Variants in UBR4 observed in about 807,000 individuals in gnomAD.
UBR4 encodes ubiquitin protein ligase E3 component n-recognin 4.
In UBR4, 124 loss-of-function variants were observed where a neutral mutation model predicts 575.6. The ratio of observed to expected loss-of-function variants is 0.22; its 90% CI spans 0.19 to 0.25. UBR4 has a LOEUF of 0.25. Ranked by LOEUF, UBR4 falls within the 10% of genes least tolerant of loss-of-function variation. The probability of loss-of-function intolerance (pLI) is 1.00; values close to 1 mark genes in which losing one functional copy is unlikely to be tolerated. For synonymous variants in UBR4, 2,455 were observed against 2,473.7 expected (o/e 0.99, Z 0.22); for missense variants, 4,818 against 6,478.8 (o/e 0.74, Z 8.80).
Position 19,089,029 on chromosome 1 carries a change from T to C in UBR4, c.14212-52A>G, listed in dbSNP as rs765609889. 36 of 1,578,944 alleles carry C rather than the reference T, an allele frequency of 2.3e-5. No individual in the cohort carries two copies. Among genetic ancestry groups the C allele is most frequent in the Non-Finnish European group, 3.0e-5 (35 of 1,155,364 alleles). ...ATGCCTCCAATTATGTAGACAAACC[T>C]TCTTCCCGGGAGCTTAAAGGTTTAG... is the stretch of plus-strand genomic sequence containing the variant. On this transcript the variant is annotated intron_variant, in intron 97 of 105. Transcript: ENST00000375254. This position sits in a 1 kb window ranked among gnomAD's most constrained non-coding sequence, Gnocchi z 4.3.
In UBR4 at chr1:19,153,206, T is replaced by A; in HGVS notation, c.6832+95A>T. The A allele has an allele frequency of 7.3e-7, 1 of 1,374,494 alleles. No homozygotes were observed. 85.1% of individuals were successfully genotyped at this position (1,374,494 alleles called of 1,614,324 possible). On this transcript the variant is annotated intron_variant, in intron 46 of 105. Coordinates refer to ENST00000375254, the MANE Select transcript of UBR4 (RefSeq NM_020765.3). The surrounding 1 kb of genome is among the most constrained non-coding windows in gnomAD (Gnocchi z 4.1). ...AAAATGTGCAAGTAGGACAGTCACA[T>A]TTCTTCACAGATATTTTCAACAGTC...
chr1:19,081,839 C>A (rs955525488), intron 102 of UBR4: 1 of 663,556 alleles, frequency 1.5e-6, no homozygotes, highest in African/African-American at 1.8e-5. Context: ...AATACAATTC[C>A]AAGCAACTAC....
At chr1:19,116,559 TGTAA>T (rs2149396161) in intron 73 of UBR4, among the ~76,000 whole-genome samples, 1 of 152,356 alleles carries the variant, frequency 6.6e-6, no homozygotes, top group African/African-American at 2.4e-5. Context: ...AGAACAGCTC[TGTAA>T]GTCTTACTAT....
rs775877747 is a variant in UBR4 at position 19,151,514 on chromosome 1, T to C, written c.7213+129A>G. ...TAATACATCAAATGAAGCTCAAAGTTTCCTGATGAAAGGACAGAAAAATCA... is the reference window on the plus strand; with the variant it reads ...TAATACATCAAATGAAGCTCAAAGTCTCCTGATGAAAGGACAGAAAAATCA... On this transcript the variant is annotated intron_variant, in intron 48 of 105. Coordinates refer to ENST00000375254, the MANE Select transcript of UBR4 (RefSeq NM_020765.3). The C allele has an allele frequency of 2.2e-5, 22 of 998,846 alleles. No individual in the cohort carries two copies. In the African/African-American group the frequency reaches 2.9e-4, roughly 13 times the overall value. 61.9% of individuals were successfully genotyped at this position (998,846 alleles called of 1,614,324 possible).
In UBR4 at chr1:19,110,022, C is replaced by T. The variant is rs78699423; in HGVS notation, c.12105+74G>A. ...AGGCAAAGCGGAGACCATGAGGAGG[C>T]AGGGCACACTGCCAGGGAATGAGGA... On this transcript the variant is annotated intron_variant, in intron 81 of 105. Coordinates refer to ENST00000375254, the MANE Select transcript of UBR4 (RefSeq NM_020765.3). The surrounding 1 kb of genome is among the most constrained non-coding windows in gnomAD (Gnocchi z 4.5). The T allele has an allele frequency of 2.2e-3, 3,532 of 1,599,686 alleles. 67 individuals carry two copies. The African/African-American group carries it at 0.04, about 18-fold the overall frequency.
At chr1:19,194,815 T>A (rs916786905) in intron 8 of UBR4, among the ~76,000 whole-genome samples, 2 of 151,904 alleles carry the variant, frequency 1.3e-5, no homozygotes, top group African/African-American at 4.8e-5. Context: ...AAAATTATAA[T>A]TAAATAATTA....
chr1:19,144,232 T>G (rs1338845527), intron 54 of UBR4, 141 bp from the exon 55 acceptor site: 1 of 679,318 alleles, frequency 1.5e-6, no homozygotes, highest in Non-Finnish European at 2.5e-6. Flanking sequence ...GCGGACCAAG[T>G]TCAGCAGGTT....
At chr1:19,197,063 C>G in intron 8 of UBR4, 78 bp downstream of exon 8, 1 of 1,541,556 alleles carries the variant, frequency 6.5e-7, no homozygotes, top group Non-Finnish European at 8.8e-7. Context: ...GTAGAGTATT[C>G]AGGAGGATTT....
At chr1:19,156,164 G>T in intron 42 of UBR4, 107 bp downstream of exon 42, 1 of 1,453,340 alleles carries the variant, frequency 6.9e-7, no homozygotes, top group Non-Finnish European at 9.3e-7. Flanking sequence ...GAAAGTCATG[G>T]CACCCAGCTG....
At position 19,075,071 on chromosome 1, in the gene UBR4, C is replaced by T. The variant is rs901397501; in HGVS notation, c.15488-175G>A. The T allele has an allele frequency of 9.8e-5, 65 of 662,194 alleles. No individual in the cohort carries two copies. The Admixed American group carries it at 1.2e-3, about 12-fold the overall frequency. The allele number at this position is 662,194 out of a possible 1,614,324, so 41.0% of individuals were successfully genotyped here. A position where few individuals can be genotyped will look rare whatever the true frequency, so the allele number is the denominator to read the frequency against. ...GTAGTCATTGAGCAAAACCCTGTTC[C>T]GCAGGAGGAGTCCTGTTCCAGAAGC... On this transcript the variant is annotated intron_variant, in intron 105 of 105. Transcript: ENST00000375254.
chr1:19,149,215 T>G (rs1254944484), intron 49 of UBR4, among the ~76,000 whole-genome samples: 1 of 152,194 alleles, frequency 6.6e-6, no homozygotes, highest in African/African-American at 2.4e-5. Flanking sequence ...ACTATTACTA[T>G]TAAAGGTACC....
chr1:19,143,255 GAAGGAAGAAAGAAAGA>G (rs201718453), intron 55 of UBR4, among the ~76,000 whole-genome samples: 3,473 of 100,534 alleles, frequency 0.035, 66 homozygotes, highest in East Asian at 0.066. Flanking sequence ...AGGAAGGAAG[GAAGGAAGAAAGAAAGA>G]AAGAAAGAAA....
rs138029593 is a variant in UBR4, at chr1:19,110,825, G to A, written c.11809C>T (p.Pro3937Ser). The A allele has an allele frequency of 2.4e-5, 38 of 1,614,032 alleles. No homozygotes were observed. In the African/African-American group the frequency reaches 4.8e-4, roughly 20 times the overall value. Residue 3937 changes from proline (P) to serine (S), a missense_variant, in exon 79 of 106, where the codon CCA becomes TCA. Pro to Ser is a moderately conservative substitution (Grantham distance 74). Coordinates refer to ENST00000375254, the MANE Select transcript of UBR4 (RefSeq NM_020765.3). This position sits in a 1 kb window ranked among gnomAD's most constrained non-coding sequence, Gnocchi z 4.5. ...QLMCLLTRDN[P>S]EATQQMNDLI... ...TCATTCATCTGTTGGGTGGCTTCTG[G>A]GTTGTCTCTGCAGAAGCAAATAGAA...
chr1:19,154,777 A>G, intron 44 of UBR4, 141 bp downstream of exon 44: 1 of 1,206,344 alleles, frequency 8.3e-7, no homozygotes, highest in Non-Finnish European at 1.2e-6. Context: ...GATTTTAAAG[A>G]TACCTAGCAG....
chr1:19,159,740 T>G (rs1009296919), intron 39 of UBR4, among the ~76,000 whole-genome samples: 1 of 151,834 alleles, frequency 6.6e-6, no homozygotes, highest in Non-Finnish European at 1.5e-5. Flanking sequence ...GGGACTATAG[T>G]TGCTGTGCCA....
chr1:19,123,066 G>T lies in UBR4; in HGVS notation c.9589-6C>A. On this transcript the variant is annotated splice_region_variant and splice_polypyrimidine_tract_variant and intron_variant, in intron 65 of 105. Coordinates refer to ENST00000375254, the MANE Select transcript of UBR4 (RefSeq NM_020765.3). ...GTCTGCTGGATCATGAGGTACTTGAGAAGAAAAACACCACAAAGAGTAAAT... is the reference window on the plus strand; with the variant it reads ...GTCTGCTGGATCATGAGGTACTTGATAAGAAAAACACCACAAAGAGTAAAT... 1 of 1,613,834 alleles carries T rather than the reference G, an allele frequency of 6.2e-7. No individual in the cohort carries two copies. Among genetic ancestry groups the T allele is most frequent in the Non-Finnish European group, 8.5e-7 (1 of 1,179,824 alleles).
intron 1 of UBR4, 43 bp downstream of exon 1, chr1:19,210,030 T>TC (rs750223674): frequency 2.0e-6 from 3 of 1,496,260 alleles, no homozygotes; most frequent in East Asian, 2.8e-5. Flanking sequence ...CGAAATCCCC[T>TC]CCCCCCACAA....
intron 26 of UBR4, among the ~76,000 whole-genome samples, chr1:19,170,039 T>C (rs541309391): frequency 7.2e-5 from 11 of 152,308 alleles, no homozygotes; most frequent in African/African-American, 1.2e-4. Context: ...AAACGATTGA[T>C]TGTAAATTTT....
At chr1:19,136,004 T>C (rs2083160986) in intron 60 of UBR4, among the ~76,000 whole-genome samples, 1 of 152,162 alleles carries the variant, frequency 6.6e-6, no homozygotes, top group East Asian at 1.9e-4. Context: ...TGATTTCTCA[T>C]TGGAAATAAC....
Sources: gnomAD v4.1 joint callset for allele counts (sites outside exome capture counted in the v4.1 genomes callset) on GRCh38, gnomAD v4.1.1 for gene constraint, Gnocchi (gnomAD v3.1) non-coding constraint, MANE v1.5 for transcripts, NCBI Gene and HGNC (gene_info 2026-07-23, HGNC 2026-07-21) for gene names.